NELL1: variants seen among roughly 807,000 people sequenced by gnomAD.
NELL1 encodes neural EGFL like 1, also known as protein kinase C-binding protein NELL1.
Under a neutral mutation model 107.4 loss-of-function variants are expected in NELL1, and 76 were observed. That is an observed-to-expected ratio of 0.71 (90% CI 0.59 to 0.86). NELL1 has a LOEUF of 0.86. NELL1 is among the 40% of genes least tolerant of loss of function. NELL1 has a pLI of 0.00. For synonymous variants in NELL1, 353 were observed against 341.2 expected, an observed-to-expected ratio of 1.03 and a Z score of -0.38; for missense variants, 1,024 against 1,005.5, an observed-to-expected ratio of 1.02 and a Z score of -0.25.
chr11:21,139,137 C>A (rs1405122068), intron 13 of NELL1, among the ~76,000 whole-genome samples: 2 of 152,184 alleles, frequency 1.3e-5, no homozygotes, highest in Non-Finnish European at 2.9e-5. Context: ...TTCTGCCACC[C>A]AAAATACCAT....
chr11:21,199,812 A>G (rs532263386), intron 13 of NELL1, among the ~76,000 whole-genome samples: 10 of 140,866 alleles, frequency 7.1e-5, no homozygotes, highest in South Asian at 2.4e-4. Flanking sequence ...CCACCCCCCA[A>G]TAGGCCCTGT....
intron 12 of NELL1, among the ~76,000 whole-genome samples, chr11:20,975,608 A>C (rs1241021854): frequency 2.1e-5 from 3 of 143,520 alleles, no homozygotes; most frequent in Non-Finnish European, 4.5e-5. Flanking sequence ...TGTATTATAT[A>C]TACACATATG....
chr11:21,264,936 C>T (rs926861600), intron 14 of NELL1, among the ~76,000 whole-genome samples: 13 of 151,824 alleles, frequency 8.6e-5, no homozygotes, highest in African/African-American at 3.1e-4. Context: ...ATGAATAGTT[C>T]TTGGAAGGAC....
intron 14 of NELL1, among the ~76,000 whole-genome samples, chr11:21,279,101 C>T (rs1320059987): frequency 1.3e-5 from 2 of 152,072 alleles, no homozygotes; most frequent in Admixed American, 6.5e-5. Flanking sequence ...AATGTAGACA[C>T]AGATCTTAAA....
intron 9 of NELL1, among the ~76,000 whole-genome samples, chr11:20,933,765 C>T (rs1850665215): frequency 6.6e-6 from 1 of 152,102 alleles, no homozygotes; most frequent in African/African-American, 2.4e-5. Context: ...TCAGTGTGCA[C>T]CCAAATGGCA....
chr11:21,361,112 T>A (rs753577441), intron 14 of NELL1, among the ~76,000 whole-genome samples: 1 of 152,148 alleles, frequency 6.6e-6, no homozygotes, highest in Non-Finnish European at 1.5e-5. Flanking sequence ...TGAAGTTTTG[T>A]TTCAAGATTT....
At chr11:21,490,680 C>T (rs1854781217) in intron 15 of NELL1, among the ~76,000 whole-genome samples, 1 of 151,534 alleles carries the variant, frequency 6.6e-6, no homozygotes. Flanking sequence ...AATAAAGGCA[C>T]CAAGAATATA....
At chr11:21,265,934 A>G (rs1385602491) in intron 14 of NELL1, among the ~76,000 whole-genome samples, 1 of 151,838 alleles carries the variant, frequency 6.6e-6, no homozygotes, top group Non-Finnish European at 1.5e-5. Flanking sequence ...TTTGGTCAAT[A>G]TTTTTCTACA....
intron 14 of NELL1, among the ~76,000 whole-genome samples, chr11:21,315,146 C>T (rs1444641125): frequency 1.3e-5 from 2 of 152,178 alleles, no homozygotes; most frequent in East Asian, 1.9e-4. Flanking sequence ...CATGAGCCAC[C>T]ATGCCTGGCT....
At chr11:21,363,821 G>A (rs1184204818) in intron 14 of NELL1, among the ~76,000 whole-genome samples, 1 of 152,070 alleles carries the variant, frequency 6.6e-6, no homozygotes, top group African/African-American at 2.4e-5. Context: ...TGCAAAAAAT[G>A]TGATCTTAGT....
chr11:21,379,731 C>T (rs1223175179), intron 15 of NELL1, among the ~76,000 whole-genome samples: 2 of 152,072 alleles, frequency 1.3e-5, no homozygotes, highest in African/African-American at 2.4e-5. Context: ...ACTCTCTTTT[C>T]TGTGCCCCGC....
chr11:21,147,850 A>G (rs1226578772), intron 13 of NELL1, among the ~76,000 whole-genome samples: 1 of 150,584 alleles, frequency 6.6e-6, no homozygotes, highest in African/African-American at 2.4e-5. Context: ...AAAAAAAAAA[A>G]AAAAAAAAAA....
intron 12 of NELL1, among the ~76,000 whole-genome samples, chr11:21,068,096 G>A (rs1590604802): frequency 7.8e-6 from 1 of 128,624 alleles, no homozygotes; most frequent in Non-Finnish European, 1.6e-5. Flanking sequence ...TAACAGATTT[G>A]TTGCTTTAAG....
chr11:20,923,247 T>A (rs1395162561), intron 7 of NELL1, among the ~76,000 whole-genome samples: 1 of 151,836 alleles, frequency 6.6e-6, no homozygotes, highest in East Asian at 1.9e-4. Flanking sequence ...AGCCCAGGGG[T>A]CTGTGTAGGA....
intron 14 of NELL1, among the ~76,000 whole-genome samples, chr11:21,347,385 C>T (rs184979940): frequency 2.5e-4 from 38 of 152,156 alleles, no homozygotes; most frequent in African/African-American, 8.7e-4. Context: ...GGTGGATCAC[C>T]TGAGGTCGGG....
chr11:21,240,913 G>C (rs986341863), intron 14 of NELL1, among the ~76,000 whole-genome samples: 5 of 151,974 alleles, frequency 3.3e-5, no homozygotes, highest in Non-Finnish European at 7.4e-5. Flanking sequence ...AATCAGATCA[G>C]CTTGTATCTC....
intron 4 of NELL1, among the ~76,000 whole-genome samples, chr11:20,870,646 T>C (rs1250118683): frequency 2.6e-5 from 4 of 152,236 alleles, no homozygotes; most frequent in Non-Finnish European, 5.9e-5. Flanking sequence ...TCCGAGCTTG[T>C]AGCCCATTGT....
chr11:20,864,431 A>C (rs189611784), intron 4 of NELL1, among the ~76,000 whole-genome samples: 66 of 152,334 alleles, frequency 4.3e-4, no homozygotes, highest in African/African-American at 1.6e-3. Flanking sequence ...AACTGTAATT[A>C]TATATCCTTT....
At position 21,144,813 on chromosome 11, in the gene NELL1, G is replaced by A. The variant is rs545484632; in HGVS notation, c.1426+31099G>A. 3.5e-4 allele frequency among the ~76,000 whole-genome samples: 53 copies of A among 152,256 alleles called. 1 individual carries two copies. The South Asian group carries it at 3.7e-3, about 11-fold the overall frequency. On this transcript the variant is annotated intron_variant, in intron 13 of 19. Coordinates refer to ENST00000357134, the MANE Select transcript of NELL1 (RefSeq NM_006157.5). ...TAATTGGAGATCCAGGGAGAGAAAG[G>A]CTGACAGACTCTGAAACCCAGAGAT...
Sources: allele counts gnomAD v4.1 joint callset (sites outside exome capture counted in the v4.1 genomes callset), GRCh38; gene constraint gnomAD v4.1.1; transcripts MANE v1.5; gene names NCBI Gene and HGNC (gene_info 2026-07-23, HGNC 2026-07-21).